TENM2: variants seen among roughly 807,000 people sequenced by gnomAD.
TENM2 encodes teneurin transmembrane protein 2.
In TENM2, 52 loss-of-function variants were observed where a neutral mutation model predicts 245.2. That is an observed-to-expected ratio of 0.21 (90% CI 0.17 to 0.27). TENM2 has a LOEUF of 0.27. Ranked by LOEUF, TENM2 falls within the 10% of genes least tolerant of loss-of-function variation. The pLI, the probability that TENM2 is intolerant of heterozygous loss-of-function variation, is 1.00. For synonymous variants in TENM2, 1,363 were observed against 1,438.9 expected (o/e 0.95, Z 1.19); for missense variants, 3,046 against 3,666.8 (o/e 0.83, Z 4.37).
chr5:168,004,681 C>A (rs1376670075), intron 5 of TENM2, among the ~76,000 whole-genome samples: 1 of 152,110 alleles, frequency 6.6e-6, no homozygotes, highest in Non-Finnish European at 1.5e-5. Context: ...AACTTCTAGT[C>A]CTGCTTCCAA....
At chr5:167,762,325 ATCT>A (rs10554977) in intron 2 of TENM2, among the ~76,000 whole-genome samples, 3,163 of 152,320 alleles carry the variant, frequency 0.021, 57 homozygotes, top group Non-Finnish European at 0.033. Flanking sequence ...TTTATGTCTA[ATCT>A]TCTGCTTTTC....
chr5:167,245,253 G>A, the TENM2 span, among the ~76,000 whole-genome samples: 2 of 152,132 alleles, frequency 1.3e-5, no homozygotes, highest in African/African-American at 2.4e-5. Context: ...TTGGGCAAAC[G>A]GCAAAGAAAC....
chr5:167,847,053 C>T (rs1240500154), intron 2 of TENM2, among the ~76,000 whole-genome samples: 2 of 152,188 alleles, frequency 1.3e-5, no homozygotes, highest in Non-Finnish European at 2.9e-5. Context: ...ACCTCCTGGG[C>T]TCAAGCCATC....
chr5:167,266,160 A>G, the TENM2 span, among the ~76,000 whole-genome samples: 1,239 of 152,320 alleles, frequency 8.1e-3, 18 homozygotes, highest in African/African-American at 0.028. Flanking sequence ...ATCATTTATC[A>G]TAATTGTGAG....
intron 27 of TENM2, among the ~76,000 whole-genome samples, chr5:168,250,697 A>C (rs1767035978): frequency 6.6e-6 from 1 of 152,202 alleles, no homozygotes; most frequent in African/African-American, 2.4e-5. Context: ...CGGACCCGGA[A>C]GTTATGGCCA....
chr5:167,192,334 G>A, the TENM2 span, among the ~76,000 whole-genome samples: 1 of 152,056 alleles, frequency 6.6e-6, no homozygotes, highest in South Asian at 2.1e-4. Context: ...TCTCTATGTA[G>A]GGTAAGGGAA....
intron 13 of TENM2, among the ~76,000 whole-genome samples, chr5:168,176,726 C>T (rs982321021): frequency 6.6e-6 from 1 of 152,158 alleles, no homozygotes; most frequent in African/African-American, 2.4e-5. Flanking sequence ...CTCATTGTTA[C>T]ACGAATTGAA....
intron 2 of TENM2, among the ~76,000 whole-genome samples, chr5:167,448,793 G>C (rs1765382678): frequency 6.6e-6 from 1 of 151,940 alleles, no homozygotes; most frequent in Non-Finnish European, 1.5e-5. Context: ...TATAATGCAT[G>C]CTGGTAAACT....
At chr5:167,703,219 A>T (rs1020755194) in intron 2 of TENM2, among the ~76,000 whole-genome samples, 6 of 152,180 alleles carry the variant, frequency 3.9e-5, no homozygotes, top group African/African-American at 4.8e-5. Context: ...ACCTATAGTA[A>T]GTGGTATACA....
At chr5:167,315,434 A>G (rs1756306237) in intron 1 of TENM2, among the ~76,000 whole-genome samples, 1 of 152,194 alleles carries the variant, frequency 6.6e-6, no homozygotes, top group Non-Finnish European at 1.5e-5. Flanking sequence ...ACAAGTGGTC[A>G]TATGCAAGGT....
chr5:168,137,683 G>A (rs748643859), intron 12 of TENM2, among the ~76,000 whole-genome samples: 19 of 152,202 alleles, frequency 1.2e-4, no homozygotes, highest in Non-Finnish European at 1.8e-4. Context: ...CAATCCCTGT[G>A]AATAAGAAAA....
chr5:167,952,199 G>T (rs1780166815), intron 3 of TENM2, among the ~76,000 whole-genome samples: 1 of 152,146 alleles, frequency 6.6e-6, no homozygotes, highest in African/African-American at 2.4e-5. Flanking sequence ...TGAAATTTTT[G>T]AAAAGAATGT....
intron 4 of TENM2, among the ~76,000 whole-genome samples, chr5:167,985,415 G>C (rs977582664): frequency 9.9e-5 from 15 of 152,192 alleles, no homozygotes; most frequent in Non-Finnish European, 2.2e-4. Flanking sequence ...GATAACCAGA[G>C]TTGCTTTTTT....
At chr5:168,038,633 A>G (rs374511746) in intron 5 of TENM2, among the ~76,000 whole-genome samples, 5 of 152,252 alleles carry the variant, frequency 3.3e-5, no homozygotes, top group East Asian at 3.8e-4. Context: ...AAGGAGAGTG[A>G]AGCTCAGAGA....
At chr5:167,802,887 G>GT (rs1765885213) in intron 2 of TENM2, among the ~76,000 whole-genome samples, 1 of 152,134 alleles carries the variant, frequency 6.6e-6, no homozygotes, top group Non-Finnish European at 1.5e-5. Context: ...AGACTAGCAG[G>GT]TATTTCCTAA....
intron 2 of TENM2, among the ~76,000 whole-genome samples, chr5:167,773,220 A>G (rs1307823411): frequency 6.6e-6 from 1 of 152,204 alleles, no homozygotes; most frequent in East Asian, 1.9e-4. Context: ...AAAGTGCACA[A>G]ATTGATGTTC....
chr5:167,291,026 TGTCTATATTTTTTGATAACTTTA>T (rs1395154277), intron 1 of TENM2, among the ~76,000 whole-genome samples: 2 of 152,242 alleles, frequency 1.3e-5, no homozygotes, highest in Non-Finnish European at 2.9e-5. Flanking sequence ...TCTAGGAATA[TGTCTATATTTTTTGATAACTTTA>T]GCCATTTGGC....
chr5:167,771,903 G>A (rs543324199), intron 2 of TENM2, among the ~76,000 whole-genome samples: 9 of 152,278 alleles, frequency 5.9e-5, no homozygotes, highest in Non-Finnish European at 1.2e-4. Flanking sequence ...AGCGCCATGT[G>A]TGTTTTGCTG....
intron 3 of TENM2, among the ~76,000 whole-genome samples, chr5:167,876,709 G>A (rs974144708): frequency 5.9e-5 from 9 of 152,178 alleles, no homozygotes; most frequent in Non-Finnish European, 1.5e-5. Flanking sequence ...AGTACTGAAT[G>A]TCTTGCCAAG....
Sources: allele counts gnomAD v4.1 joint callset (sites outside exome capture counted in the v4.1 genomes callset), GRCh38; gene constraint gnomAD v4.1.1; transcripts MANE v1.5; gene names NCBI Gene and HGNC (gene_info 2026-07-23, HGNC 2026-07-21).